The following OGFR variants were observed in gnomAD, a reference collection of about 807,000 sequenced individuals.
OGFR encodes protein 7-60.
Under a neutral mutation model 33.6 loss-of-function variants are expected in OGFR, and 18 were observed. The observed-to-expected ratio is 0.54, with a 90% CI of 0.37 to 0.80. The LOEUF (loss-of-function observed/expected upper bound fraction) is 0.80. OGFR is among the 30% of genes least tolerant of loss of function. OGFR has a pLI of 0.00. For missense variants in OGFR, 877 were observed against 955.8 expected (o/e 0.92, Z 1.09); for synonymous variants, 370 against 400.7 (o/e 0.92, Z 0.91).
intron 6 of OGFR, among the ~76,000 whole-genome samples, chr20:62,812,013 C>T (rs1227504193): frequency 1.3e-5 from 2 of 152,224 alleles, no homozygotes; most frequent in Admixed American, 6.5e-5. Flanking sequence ...GCGTCAGCAT[C>T]CCCCTAACCC....
intron 1 of OGFR, chr20:62,806,029 T>G (rs1330911621): frequency 6.5e-6 from 1 of 152,702 alleles, no homozygotes; most frequent in East Asian, 1.9e-4. Context: ...TTTGGACCCC[T>G]CAGGCCTCCC....
Position 62,811,039 on chromosome 20 carries a change from G to A in OGFR, c.466-423G>A, listed in dbSNP as rs1600775699. ...CAGCTCAGAGGAGAGATGGAGGCAT[G>A]AGTGTGTCTCTTGTCACTTTACCCT... On this transcript the variant is annotated intron_variant, in intron 5 of 6. Coordinates refer to ENST00000290291, the MANE Select transcript of OGFR (RefSeq NM_007346.4). Among the ~76,000 whole-genome samples the A allele has an allele frequency of 2.0e-5, 3 of 152,348 alleles. No homozygotes were observed. In the South Asian group the frequency reaches 6.2e-4, roughly 32 times the overall value.
intron 1 of OGFR, chr20:62,805,438 G>C (rs1206743275): frequency 6.5e-6 from 1 of 153,858 alleles, no homozygotes; most frequent in Non-Finnish European, 1.5e-5. Context: ...GCCCGGGCCG[G>C]GTCTGGCCTG....
intron 1 of OGFR, chr20:62,807,298 ACC>A: frequency 5.4e-6 from 3 of 556,256 alleles, no homozygotes; most frequent in Admixed American, 3.3e-5. Flanking sequence ...CCACCTGGCT[ACC>A]GCAGCCCTCT....
chr20:62,812,629 G>T lies in OGFR; in HGVS notation c.1014G>T (p.Gly338=). 1.3e-6 allele frequency: 2 copies of T among 1,561,316 alleles called. No homozygotes were observed. Among genetic ancestry groups the T allele is most frequent in the East Asian group, 2.4e-5 (1 of 41,728 alleles). Residue 338 remains glycine, a synonymous_variant, in exon 7 of 7, where the codon GGG becomes GGT. Transcript: ENST00000290291. ...RTCGPEHSKG[G]GRVDEGPQPR... ...GTGGGCCAGAGCATAGCAAGGGTGG[G>T]GGCAGGGTGGACGAGGGGCCCCAGC...
At chr20:62,810,007 G>A (rs571931133) in intron 4 of OGFR, among the ~76,000 whole-genome samples, 4 of 152,352 alleles carry the variant, frequency 2.6e-5, no homozygotes, top group East Asian at 3.9e-4. Context: ...CCCCCGTCTC[G>A]GACTCAGCTG....
intron 5 of OGFR, among the ~76,000 whole-genome samples, 198 bp downstream of exon 5, chr20:62,810,763 A>G (rs1361445202): frequency 1.3e-5 from 2 of 152,240 alleles, no homozygotes; most frequent in Non-Finnish European, 2.9e-5. Flanking sequence ...AGGCATCTAG[A>G]GAAACTCAAT....
chr20:62,813,096 G>A lies in OGFR; in HGVS notation c.1481G>A (p.Gly494Glu), dbSNP rs754740903. 3 of 1,579,218 alleles carry A rather than the reference G, an allele frequency of 1.9e-6. No homozygotes were observed. In the South Asian group the frequency reaches 3.4e-5, roughly 18 times the overall value. ...GCCCCATCGGGGCACCCCAAGGCTGGACACAGTGAGAACGGGGTTGAGGAG... is the reference window on the plus strand; with the variant it reads ...GCCCCATCGGGGCACCCCAAGGCTGAACACAGTGAGAACGGGGTTGAGGAG... ...SPAPSGHPKA[G>E]HSENGVEEDT... The change falls in exon 7 of 7, where the codon GGA becomes GAA. Residue 494 changes from glycine to glutamate, a missense_variant. This residue lies in a region of OGFR where 760 missense variants were observed against 736.0 expected (regional missense o/e 1.03). Coordinates refer to ENST00000290291, the MANE Select transcript of OGFR (RefSeq NM_007346.4).
rs541245969 is a variant in OGFR at position 62,812,356 on chromosome 20, G to A, written c.741G>A (p.Pro247=). The change falls in exon 7 of 7, where the codon CCG becomes CCA. Residue 247 remains proline, a synonymous_variant. Coordinates refer to ENST00000290291, the MANE Select transcript of OGFR (RefSeq NM_007346.4). ...LEETLVRREL[P]GVRQSALDYF... is the part of the protein sequence containing the mutation. ...AGACGCTGGTGCGGCGGGAGCTGCCGGGGGTGCGGCAGAGTGCCCTGGACT... is the reference window on the plus strand; with the variant it reads ...AGACGCTGGTGCGGCGGGAGCTGCCAGGGGTGCGGCAGAGTGCCCTGGACT... 62 of 1,560,810 alleles carry A rather than the reference G, an allele frequency of 4.0e-5. No individual in the cohort carries two copies. Among genetic ancestry groups the A allele is most frequent in the South Asian group, 1.6e-4 (14 of 85,242 alleles).
At chr20:62,809,750 C>A in intron 4 of OGFR, 87 bp downstream of exon 4, 1 of 1,053,360 alleles carries the variant, frequency 9.5e-7, no homozygotes, top group Non-Finnish European at 1.5e-6. Context: ...GACGCTGCTT[C>A]CTGGCACGGA....
chr20:62,811,438 G>A, intron 5 of OGFR, 24 bp from the exon 6 acceptor site: 2 of 1,608,152 alleles, frequency 1.2e-6, no homozygotes, highest in Non-Finnish European at 1.7e-6. Flanking sequence ...TGGTGCCTGA[G>A]CTCTCCAAGG....
At chr20:62,811,972 G>T (rs1044585104) in intron 6 of OGFR, among the ~76,000 whole-genome samples, 2 of 152,202 alleles carry the variant, frequency 1.3e-5, no homozygotes, top group Admixed American at 1.3e-4. Flanking sequence ...CCCACCAGGG[G>T]GACTCGGGGT....
At chr20:62,808,695 C>T (rs62198434) in intron 3 of OGFR, among the ~76,000 whole-genome samples, 21,026 of 152,090 alleles carry the variant, frequency 0.14, 1,583 homozygotes, top group Middle Eastern at 0.22. Context: ...AAGTAGAGGC[C>T]GGGCCTGGTG....
Position 62,812,435 on chromosome 20 carries a change from G to T in OGFR, c.820G>T (p.Ala274Ser), listed in dbSNP as rs749027393. The T allele has an allele frequency of 1.3e-6, 2 of 1,582,826 alleles. No individual in the cohort carries two copies. Among genetic ancestry groups the T allele is most frequent in the Non-Finnish European group, 1.7e-6 (2 of 1,164,870 alleles). Residue 274 changes from alanine to serine, a missense_variant, in exon 7 of 7, where the codon GCC becomes TCC. By Grantham distance (99) the Ala-to-Ser change is moderately conservative. Around this residue, in one of 3 missense-constraint regions of OGFR, gnomAD observed 760 missense variants for 736.0 expected, o/e 1.03. Transcript: ENST00000290291. ...CCAGCGCCGCCAGCTGGTGCACTTC[G>T]CCTGGGAGCACTTCCGGCCCCGCTG... ...RHQRRQLVHFAWEHFRPRCKF... is the reference protein window; with the variant it reads ...RHQRRQLVHFSWEHFRPRCKF...
intron 3 of OGFR, 52 bp from the exon 4 acceptor site, chr20:62,809,533 G>C: frequency 6.9e-7 from 1 of 1,441,654 alleles, no homozygotes; most frequent in South Asian, 1.1e-5. Context: ...CCGTCCTCCT[G>C]AGCACGGGCA....
chr20:62,812,733 G>C lies in OGFR; in HGVS notation c.1118G>C (p.Arg373Thr), dbSNP rs1990763222. Residue 373 changes from arginine to threonine, a missense_variant, in exon 7 of 7, where the codon AGG (arginine) becomes ACG (threonine). Arg to Thr is a moderately conservative substitution (Grantham distance 71, BLOSUM62 -1). Around this residue, in one of 3 missense-constraint regions of OGFR, gnomAD observed 760 missense variants for 736.0 expected, o/e 1.03. Transcript: ENST00000290291. ...GDEAGGHGED[R>T]PEPLSPKESK... ...GAGGCAGGGGGCCACGGGGAAGATA[G>C]GCCGGAGCCCTTAAGCCCCAAAGAG... is the stretch of plus-strand genomic sequence containing the variant. 6.2e-7 allele frequency: 1 copy of C among 1,602,710 alleles called. No homozygotes were observed. Among genetic ancestry groups the C allele is most frequent in the African/African-American group, 1.3e-5 (1 of 74,808 alleles).
chr20:62,808,364 C>G, intron 3 of OGFR, 39 bp downstream of exon 3: 1 of 1,487,490 alleles, frequency 6.7e-7, no homozygotes, highest in East Asian at 2.3e-5. Flanking sequence ...GCGCTTCCAT[C>G]CTTGCCTGGC....
rs41309371 is a variant in OGFR at position 62,812,364 on chromosome 20, G to A, written c.749G>A (p.Arg250Gln). The change falls in exon 7 of 7, where the codon CGG becomes CAG. Residue 250 changes from arginine to glutamine, a missense_variant. Around this residue, in one of 3 missense-constraint regions of OGFR, gnomAD observed 760 missense variants for 736.0 expected, o/e 1.03. Coordinates refer to ENST00000290291, the MANE Select transcript of OGFR (RefSeq NM_007346.4). ...TLVRRELPGV[R>Q]QSALDYFMFA... is the part of the protein sequence containing the mutation. Reference sequence around the variant, plus strand: ...GTGCGGCGGGAGCTGCCGGGGGTGCGGCAGAGTGCCCTGGACTACTTCATG... The same window carrying A: ...GTGCGGCGGGAGCTGCCGGGGGTGCAGCAGAGTGCCCTGGACTACTTCATG... 0.02 allele frequency: 30,987 copies of A among 1,561,990 alleles called. 434 individuals are homozygous for A. Among genetic ancestry groups the A allele is most frequent in the South Asian group, 0.051 (4,335 of 85,226 alleles).
At chr20:62,810,403 G>A in intron 4 of OGFR, 96 bp from the exon 5 acceptor site, 1 of 1,211,928 alleles carries the variant, frequency 8.3e-7, no homozygotes, top group Non-Finnish European at 1.2e-6. Context: ...GGAACCCAGA[G>A]GGGATTGGAA....
Sources: allele counts gnomAD v4.1 joint callset (sites outside exome capture counted in the v4.1 genomes callset), GRCh38; gene constraint gnomAD v4.1.1; regional missense constraint gnomAD v4.1.1; transcripts MANE v1.5; gene names NCBI Gene and HGNC (gene_info 2026-07-23, HGNC 2026-07-21).